DMBX1: variants seen among roughly 807,000 people sequenced by gnomAD.
The protein encoded by DMBX1 is diencephalon/mesencephalon homeobox 1.
DMBX1 carries 7 observed loss-of-function variants against 30.4 expected under a neutral mutation model. That is an observed-to-expected ratio of 0.23 (90% CI 0.13 to 0.43). The LOEUF (loss-of-function observed/expected upper bound fraction) is 0.43, where lower values mean the gene tolerates loss of function less well. Ranked by LOEUF, DMBX1 falls within the 20% of genes least tolerant of loss-of-function variation. DMBX1 has a pLI of 1.00. For missense variants in DMBX1, 460 were observed against 508.5 expected (o/e 0.90, Z 0.92); for synonymous variants, 222 against 214.2 (o/e 1.04, Z -0.32).
Position 46,510,494 on chromosome 1 carries a change from G to C in DMBX1, c.173G>C (p.Arg58Pro), listed in dbSNP as rs776345689. The change falls in exon 4 of 6, where the codon CGT becomes CCT. Residue 58 changes from arginine to proline, a missense_variant. Arg to Pro is a moderately radical substitution (Grantham distance 103). Around this residue, in one of 3 missense-constraint regions of DMBX1, gnomAD observed 124 missense variants for 144.0 expected, o/e 0.86. Coordinates refer to ENST00000360032, the MANE Select transcript of DMBX1 (RefSeq NM_172225.2). The surrounding 1 kb of genome is among the most constrained non-coding windows in gnomAD (Gnocchi z 4.1). ...TTTCAAGACATCATCTTGGAGGCCC[G>C]TTATGGTTCCCAGCACCGCAAACAA... ...ERLADIILEARYGSQHRKQRR... is the reference protein window; with the variant it reads ...ERLADIILEAPYGSQHRKQRR... The C allele has an allele frequency of 6.2e-7, 1 of 1,613,950 alleles. No homozygotes were observed. Among genetic ancestry groups the C allele is most frequent in the Non-Finnish European group, 8.5e-7 (1 of 1,179,978 alleles).
intron 2 of DMBX1, among the ~76,000 whole-genome samples, chr1:46,505,945 T>C (rs1263730541): frequency 6.6e-6 from 1 of 152,102 alleles, no homozygotes; most frequent in Non-Finnish European, 1.5e-5. Context: ...TTCTTGGAGA[T>C]ATGGTGAGAA....
At position 46,512,348 on chromosome 1, in the gene DMBX1, T is replaced by TG. The variant is rs748769829; in HGVS notation, c.993dup (p.Ser332ValfsTer21). The TG allele has an allele frequency of 6.2e-7, 1 of 1,613,986 alleles. No individual in the cohort carries two copies. Among genetic ancestry groups the TG allele is most frequent in the South Asian group, 1.1e-5 (1 of 91,076 alleles). On this transcript the variant is annotated frameshift_variant, in exon 6 of 6. Transcript: ENST00000360032. LOFTEE classifies it high-confidence loss of function. The surrounding 1 kb of genome is among the most constrained non-coding windows in gnomAD (Gnocchi z 4.8). The stretch of plus-strand genomic sequence containing the variant: ...AGCCGCTGCTGCCCACCAGGGTGTG[T>TG]GGGGGTCTCCTCTGCTGCCTGCACC...
chr1:46,510,796 T>A lies in DMBX1; in HGVS notation c.334-139T>A. The A allele has an allele frequency of 7.4e-7, 1 of 1,352,804 alleles. No individual in the cohort carries two copies. Among genetic ancestry groups the A allele is most frequent in the Non-Finnish European group, 9.9e-7 (1 of 1,005,204 alleles). The allele number at this position is 1,352,804 out of a possible 1,614,324, so 83.8% of individuals were successfully genotyped here. On this transcript the variant is annotated intron_variant, in intron 4 of 5. Coordinates refer to ENST00000360032, the MANE Select transcript of DMBX1 (RefSeq NM_172225.2). This position sits in a 1 kb window ranked among gnomAD's most constrained non-coding sequence, Gnocchi z 4.1. Reference sequence around the variant, plus strand: ...AAAGCCTTCAGTGATAGGAGGGGAGTTTGGGAAGGGACAGAGGGTGTGCAT... The same window carrying A: ...AAAGCCTTCAGTGATAGGAGGGGAGATTGGGAAGGGACAGAGGGTGTGCAT...
chr1:46,498,608 G>A (rs879432489), intron 2 of DMBX1, among the ~76,000 whole-genome samples: 4 of 151,964 alleles, frequency 2.6e-5, no homozygotes, highest in African/African-American at 2.4e-5. Context: ...TCCCCTGGTC[G>A]CACACTTACA....
At chr1:46,507,766 A>G (rs987767127) in intron 3 of DMBX1, among the ~76,000 whole-genome samples, 5 of 152,172 alleles carry the variant, frequency 3.3e-5, no homozygotes, top group African/African-American at 1.2e-4. Context: ...TTGGAGTCCT[A>G]GACTTGAAAT....
chr1:46,502,930 A>G (rs917923883), intron 2 of DMBX1, among the ~76,000 whole-genome samples: 3 of 152,204 alleles, frequency 2.0e-5, no homozygotes, highest in Non-Finnish European at 4.4e-5. Context: ...ATATTATGTT[A>G]CTTCCCTCAA....
Position 46,512,314 on chromosome 1 carries a change from C to A in DMBX1, c.954C>A (p.Ser318=). The part of the protein sequence containing the change: ...GSLHCQSYYQ[S]LSAAAAAHQG... ...TGCACTGCCAGTCCTACTACCAGTC[C>A]CTGTCAGCAGCCGCTGCTGCCCACC... is the stretch of plus-strand genomic sequence containing the variant. Residue 318 remains serine, a synonymous_variant, in exon 6 of 6, where the codon TCC becomes TCA. Transcript: ENST00000360032. This position sits in a 1 kb window ranked among gnomAD's most constrained non-coding sequence, Gnocchi z 4.8. 4 of 1,613,688 alleles carry A rather than the reference C, an allele frequency of 2.5e-6. No individual in the cohort carries two copies. Among genetic ancestry groups the A allele is most frequent in the Middle Eastern group, 1.7e-4 (1 of 6,058 alleles).
At chr1:46,500,214 G>C (rs1401910287) in intron 2 of DMBX1, among the ~76,000 whole-genome samples, 2 of 152,070 alleles carry the variant, frequency 1.3e-5, no homozygotes, top group Non-Finnish European at 2.9e-5. Context: ...AGATCTCAGA[G>C]ACCTTCCGAG....
In DMBX1 at chr1:46,511,181, C is replaced by G. The variant is rs367816701; in HGVS notation, c.580C>G (p.Arg194Gly). 15 of 1,613,610 alleles carry G rather than the reference C, an allele frequency of 9.3e-6. No individual in the cohort carries two copies. In the African/African-American group the frequency reaches 1.6e-4, roughly 17 times the overall value. Reference protein sequence around the residue: ...SESAPEDQPDREEDPRAGAED... With the variant: ...SESAPEDQPDGEEDPRAGAED... ...GTCAGCCCCCGAGGATCAGCCGGAC[C>G]GTGAGGAGGACCCCAGGGCAGGGGC... is the stretch of plus-strand genomic sequence containing the variant. Residue 194 changes from arginine to glycine, a missense_variant, in exon 5 of 6, where the codon CGT becomes GGT. Around this residue, in one of 3 missense-constraint regions of DMBX1, gnomAD observed 334 missense variants for 345.1 expected, o/e 0.97. Coordinates refer to ENST00000360032, the MANE Select transcript of DMBX1 (RefSeq NM_172225.2).
chr1:46,512,631 C>CCCCATACCCCAGCCCGAGGTGAAG lies in DMBX1; in HGVS notation c.*142_*165dup. 3.1e-6 allele frequency: 3 copies of CCCCATACCCCAGCCCGAGGTGAAG among 960,534 alleles called. No individual in the cohort carries two copies. In the South Asian group the frequency reaches 5.2e-5, roughly 17 times the overall value. The allele number at this position is 960,534 out of a possible 1,614,324, so 59.5% of individuals were successfully genotyped here. ...TGGGGTCCTGTTCCCTGCTCCGCTT[C>CCCCATACCCCAGCCCGAGGTGAAG]CCCATACCCCAGCCCGAGGTGAAGC... On this transcript the variant is annotated 3_prime_UTR_variant, in exon 6 of 6. Transcript: ENST00000360032. The surrounding 1 kb of genome is among the most constrained non-coding windows in gnomAD (Gnocchi z 4.8).
In DMBX1 at chr1:46,512,459, G is replaced by T. The variant is rs775225684; in HGVS notation, c.1099G>T (p.Ala367Ser). The change falls in exon 6 of 6, where the codon GCG (alanine) becomes TCG (serine). Residue 367 changes from alanine (A) to serine (S), a missense_variant. Ala to Ser is a moderately conservative substitution (Grantham distance 99). Transcript: ENST00000360032. This position sits in a 1 kb window ranked among gnomAD's most constrained non-coding sequence, Gnocchi z 4.8. ...CCTGCGGCTCCGGGCCAAGCAGCAC[G>T]CGGCCTCCCTGGGACTCGATACGCT... ...ENLRLRAKQH[A>S]ASLGLDTLPN 1.2e-6 allele frequency: 2 copies of T among 1,613,336 alleles called. No homozygotes were observed. Among genetic ancestry groups the T allele is most frequent in the South Asian group, 1.1e-5 (1 of 91,046 alleles).
rs1483840012 is a variant in DMBX1, at chr1:46,515,501, TG to T, written c.*3008del. On this transcript the variant is annotated 3_prime_UTR_variant, in exon 6 of 6. Transcript: ENST00000360032. The stretch of plus-strand genomic sequence containing the variant: ...CTTCCCTCAGATGTTTGTTAACACT[TG>T]TCCCATTCAATTGACCCAAATCTGC... Among the ~76,000 whole-genome samples the T allele has an allele frequency of 1.3e-5, 2 of 152,226 alleles. No homozygotes were observed. Among genetic ancestry groups the T allele is most frequent in the African/African-American group, 4.8e-5 (2 of 41,462 alleles).
In DMBX1 at chr1:46,512,460, C is replaced by T. The variant is rs181379491; in HGVS notation, c.1100C>T (p.Ala367Val). The part of the protein sequence containing the change: ...ENLRLRAKQH[A>V]ASLGLDTLPN ...CTGCGGCTCCGGGCCAAGCAGCACG[C>T]GGCCTCCCTGGGACTCGATACGCTG... Residue 367 changes from alanine (A) to valine (V), a missense_variant, in exon 6 of 6, where the codon GCG (alanine) becomes GTG (valine). Ala to Val is a moderately conservative substitution (Grantham distance 64, BLOSUM62 0). Around this residue, in one of 3 missense-constraint regions of DMBX1, gnomAD observed 334 missense variants for 345.1 expected, o/e 0.97. Transcript: ENST00000360032. The surrounding 1 kb of genome is among the most constrained non-coding windows in gnomAD (Gnocchi z 4.8). The T allele has an allele frequency of 8.8e-5, 142 of 1,613,240 alleles. No homozygotes were observed. The Admixed American group carries it at 2.1e-3, about 24-fold the overall frequency.
chr1:46,492,803 C>T (rs980761906), intron 2 of DMBX1, among the ~76,000 whole-genome samples: 5 of 152,108 alleles, frequency 3.3e-5, no homozygotes, highest in Admixed American at 2.6e-4. Flanking sequence ...CCACTAATCA[C>T]GTAAAACCCC....
In DMBX1 at chr1:46,514,769, C is replaced by A. The variant is rs951334727; in HGVS notation, c.*2275C>A. The stretch of plus-strand genomic sequence containing the variant: ...CTCTCCCAGTGGGAAGAGAGAGGTT[C>A]TGTTGGTGTCCTGGTTGAATTGCTT... On this transcript the variant is annotated 3_prime_UTR_variant, in exon 6 of 6. Coordinates refer to ENST00000360032, the MANE Select transcript of DMBX1 (RefSeq NM_172225.2). Among the ~76,000 whole-genome samples, 7 of 152,158 alleles carry A rather than the reference C, an allele frequency of 4.6e-5. No individual in the cohort carries two copies. The highest frequency in any genetic ancestry group is 1.7e-4 in the African/African-American group (7 of 41,444).
chr1:46,498,177 A>G (rs1191270529), intron 2 of DMBX1, among the ~76,000 whole-genome samples: 1 of 152,082 alleles, frequency 6.6e-6, no homozygotes, highest in Non-Finnish European at 1.5e-5. Flanking sequence ...GGCTGCCCCT[A>G]TTGCTGGGAA....
In DMBX1 at chr1:46,491,817, C is replaced by A. The variant is rs539549480; in HGVS notation, c.-13+1034C>A. On this transcript the variant is annotated intron_variant, in intron 2 of 5. Coordinates refer to ENST00000360032, the MANE Select transcript of DMBX1 (RefSeq NM_172225.2). This position sits in a 1 kb window ranked among gnomAD's most constrained non-coding sequence, Gnocchi z 5.5. Reference sequence around the variant, plus strand: ...CCCCTCGAATGGAAAGGCACTCTGGCCTAAGGACGAATGAATTTAGTTCCT... The same window carrying A: ...CCCCTCGAATGGAAAGGCACTCTGGACTAAGGACGAATGAATTTAGTTCCT... Among the ~76,000 whole-genome samples the A allele has an allele frequency of 7.7e-4, 117 of 152,276 alleles. No homozygotes were observed. Among genetic ancestry groups the A allele is most frequent in the Non-Finnish European group, 1.1e-3 (77 of 68,030 alleles).
rs553926314 is a variant in DMBX1 at position 46,515,565 on chromosome 1, C to T, written c.*3071C>T. 2.0e-5 allele frequency among the ~76,000 whole-genome samples: 3 copies of T among 152,356 alleles called. No homozygotes were observed. Among genetic ancestry groups the T allele is most frequent in the African/African-American group, 4.8e-5 (2 of 41,570 alleles). The stretch of plus-strand genomic sequence containing the variant: ...GGAAGGTACATGTGGTCCCTGCCCT[C>T]GGAGGGCTCTCAAGTTTAGGGCACC... On this transcript the variant is annotated 3_prime_UTR_variant, in exon 6 of 6. Coordinates refer to ENST00000360032, the MANE Select transcript of DMBX1 (RefSeq NM_172225.2).
intron 3 of DMBX1, among the ~76,000 whole-genome samples, chr1:46,508,515 T>C (rs1666285127): frequency 6.6e-6 from 1 of 152,116 alleles, no homozygotes; most frequent in Non-Finnish European, 1.5e-5. Flanking sequence ...TGTGGAGGCA[T>C]TAGTTTCTAG....
Sources: gnomAD v4.1 joint callset for allele counts (sites outside exome capture counted in the v4.1 genomes callset) on GRCh38, gnomAD v4.1.1 for gene constraint, gnomAD v4.1.1 regional missense constraint, Gnocchi (gnomAD v3.1) non-coding constraint, MANE v1.5 for transcripts, NCBI Gene and HGNC (gene_info 2026-07-23, HGNC 2026-07-21) for gene names.